The following UNC5C variants were observed in gnomAD, a reference collection of about 807,000 sequenced individuals.
The protein encoded by UNC5C is netrin receptor UNC5C.
UNC5C carries 47 observed loss-of-function variants against 99.8 expected under a neutral mutation model. The observed-to-expected ratio is 0.47, with a 90% CI of 0.37 to 0.60. The LOEUF is 0.60. Among genes scored for constraint, UNC5C ranks in the 20% least tolerant of loss-of-function variants. UNC5C has a pLI of 0.00. For synonymous variants in UNC5C, 487 were observed against 452.2 expected, an observed-to-expected ratio of 1.08 and a Z score of -0.98; for missense variants, 1,062 against 1,165.9, an observed-to-expected ratio of 0.91 and a Z score of 1.30.
intron 3 of UNC5C, among the ~76,000 whole-genome samples, chr4:95,287,262 A>G (rs1372690757): frequency 1.3e-5 from 2 of 152,188 alleles, no homozygotes; most frequent in Non-Finnish European, 2.9e-5. Context: ...TAGGCCATAA[A>G]TGTGGGCACT....
At chr4:95,385,612 T>C (rs1336789516) in intron 1 of UNC5C, among the ~76,000 whole-genome samples, 1 of 152,106 alleles carries the variant, frequency 6.6e-6, no homozygotes, top group Non-Finnish European at 1.5e-5. Flanking sequence ...CTTCTGTAAA[T>C]CTAACCTATT....
chr4:95,544,321 G>T (rs1284817212), intron 1 of UNC5C, among the ~76,000 whole-genome samples: 2 of 152,128 alleles, frequency 1.3e-5, no homozygotes, highest in Non-Finnish European at 2.9e-5. Context: ...GATGAAACTT[G>T]CATTAAATCT....
intron 1 of UNC5C, among the ~76,000 whole-genome samples, chr4:95,489,791 G>C (rs1244436164): frequency 1.3e-5 from 2 of 151,652 alleles, no homozygotes; most frequent in Non-Finnish European, 2.9e-5. Context: ...CGGAAGAAGG[G>C]GGAGAAACAA....
chr4:95,390,011 T>G (rs922703188), intron 1 of UNC5C, among the ~76,000 whole-genome samples: 3 of 152,188 alleles, frequency 2.0e-5, no homozygotes, highest in African/African-American at 7.2e-5. Context: ...GTTCATTAAT[T>G]GTCTTGAAAA....
At chr4:95,351,685 TA>T (rs1743996206) in intron 1 of UNC5C, among the ~76,000 whole-genome samples, 1 of 119,634 alleles carries the variant, frequency 8.4e-6, no homozygotes, top group African/African-American at 3.7e-5. Flanking sequence ...ATTGTGTCTT[TA>T]AAAAAAATTA....
At chr4:95,442,338 G>A (rs532187510) in intron 1 of UNC5C, among the ~76,000 whole-genome samples, 1 of 151,188 alleles carries the variant, frequency 6.6e-6, no homozygotes, top group South Asian at 2.1e-4. Flanking sequence ...GTGTAGCTGG[G>A]ACTACAGGCA....
chr4:95,441,930 G>C (rs547828061), intron 1 of UNC5C, among the ~76,000 whole-genome samples: 1 of 152,134 alleles, frequency 6.6e-6, no homozygotes, highest in African/African-American at 2.4e-5. Flanking sequence ...AGATTAACAC[G>C]CTAAGCAGGT....
chr4:95,379,607 G>A (rs887951167), intron 1 of UNC5C, among the ~76,000 whole-genome samples: 3 of 152,120 alleles, frequency 2.0e-5, no homozygotes, highest in African/African-American at 7.2e-5. Context: ...TATCCCCAGT[G>A]GACTCTGGAG....
At chr4:95,464,028 G>T (rs1373149201) in intron 1 of UNC5C, among the ~76,000 whole-genome samples, 1 of 152,124 alleles carries the variant, frequency 6.6e-6, no homozygotes, top group Non-Finnish European at 1.5e-5. Flanking sequence ...AAATACAACG[G>T]TATAAATACT....
intron 1 of UNC5C, among the ~76,000 whole-genome samples, chr4:95,346,534 C>T (rs1318922592): frequency 6.6e-6 from 1 of 151,934 alleles, no homozygotes; most frequent in African/African-American, 2.4e-5. Flanking sequence ...AAATCATCAA[C>T]AAACTAGTAG....
At chr4:95,542,140 G>A (rs1722936295) in intron 1 of UNC5C, among the ~76,000 whole-genome samples, 1 of 152,078 alleles carries the variant, frequency 6.6e-6, no homozygotes, top group South Asian at 2.1e-4. Flanking sequence ...TAACTCTGGT[G>A]TTAAATCTGA....
intron 3 of UNC5C, among the ~76,000 whole-genome samples, chr4:95,284,226 A>G (rs996031503): frequency 2.6e-5 from 4 of 152,206 alleles, no homozygotes; most frequent in Non-Finnish European, 4.4e-5. Context: ...TGACAAAAAA[A>G]TGCAGTTAGC....
intron 10 of UNC5C, among the ~76,000 whole-genome samples, chr4:95,213,442 C>A (rs1460859971): frequency 6.6e-6 from 1 of 152,096 alleles, no homozygotes; most frequent in Non-Finnish European, 1.5e-5. Flanking sequence ...CTGAGCACAG[C>A]CTTGCAGCTC....
Position 95,391,762 on chromosome 4 carries a change from A to C in UNC5C, c.125-56131T>G, listed in dbSNP as rs1039395352. ...TGAGCTTTGTCCTTTCATGGTAAAA[A>C]AAAAAAAAAAAAAAAGGCACTTTTA... On this transcript the variant is annotated intron_variant, in intron 1 of 15. Transcript: ENST00000453304. Among the ~76,000 whole-genome samples, 15 of 150,630 alleles carry C rather than the reference A, an allele frequency of 1.0e-4. No homozygotes were observed. The East Asian group carries it at 2.5e-3, about 25-fold the overall frequency.
In UNC5C at chr4:95,529,309, TG is replaced by T. The variant is rs1722578765; in HGVS notation, c.124+19424del. Among the ~76,000 whole-genome samples, 4 of 148,052 alleles carry T rather than the reference TG, an allele frequency of 2.7e-5. No individual in the cohort carries two copies. In the South Asian group the frequency reaches 8.4e-4, roughly 31 times the overall value. ...ATGTATATATGTATATATATTTATA[TG>T]TATATATGTGTATATATATTTATAT... On this transcript the variant is annotated intron_variant, in intron 1 of 15. Transcript: ENST00000453304.
chr4:95,509,539 C>T (rs1722012646), intron 1 of UNC5C, among the ~76,000 whole-genome samples: 2 of 151,928 alleles, frequency 1.3e-5, no homozygotes, highest in East Asian at 3.9e-4. Flanking sequence ...CATTCTTTTA[C>T]ATAACTGATT....
chr4:95,252,149 C>T (rs1579268756), intron 4 of UNC5C, among the ~76,000 whole-genome samples: 1 of 152,148 alleles, frequency 6.6e-6, no homozygotes, highest in African/African-American at 2.4e-5. Context: ...ATTTTCTCAA[C>T]GTTTCACCCT....
intron 1 of UNC5C, among the ~76,000 whole-genome samples, chr4:95,453,764 GGA>G (rs1256471849): frequency 6.6e-6 from 1 of 152,010 alleles, no homozygotes; most frequent in Non-Finnish European, 1.5e-5. Flanking sequence ...ACTTGTTCTG[GGA>G]GAGAGATCAG....
At chr4:95,363,050 T>C (rs941363675) in intron 1 of UNC5C, among the ~76,000 whole-genome samples, 1 of 152,110 alleles carries the variant, frequency 6.6e-6, no homozygotes, top group African/African-American at 2.4e-5. Context: ...TCAGAAACCC[T>C]AGCTACACCT....
Sources: gnomAD v4.1 joint callset for allele counts (sites outside exome capture counted in the v4.1 genomes callset) on GRCh38, gnomAD v4.1.1 for gene constraint, MANE v1.5 for transcripts, NCBI Gene and HGNC (gene_info 2026-07-23, HGNC 2026-07-21) for gene names.